The following CEP85L variants were observed in gnomAD, a reference collection of about 807,000 sequenced individuals.
CEP85L encodes centrosomal protein of 85 kDa-like.
Under a neutral mutation model 100.3 loss-of-function variants are expected in CEP85L, and 60 were observed. The observed-to-expected ratio is 0.60, with a 90% CI of 0.49 to 0.74. The LOEUF is 0.74. CEP85L is among the 30% of genes least tolerant of loss of function. The pLI is 0.00. For synonymous variants in CEP85L, 319 were observed against 322.7 expected, an observed-to-expected ratio of 0.99 and a Z score of 0.12; for missense variants, 973 against 936.2, an observed-to-expected ratio of 1.04 and a Z score of -0.51.
intron 3 of CEP85L, among the ~76,000 whole-genome samples, chr6:118,543,229 A>G (rs1028907250): frequency 5.9e-5 from 9 of 152,206 alleles, no homozygotes; most frequent in African/African-American, 1.9e-4. Context: ...TTAAAGAATT[A>G]AGTGCAAGAA....
chr6:118,593,222 A>C (rs1781284859), intron 2 of CEP85L, among the ~76,000 whole-genome samples: 1 of 152,168 alleles, frequency 6.6e-6, no homozygotes, highest in African/African-American at 2.4e-5. Flanking sequence ...TTTTTGGTGT[A>C]ATAAAAATGT....
At chr6:118,648,545 C>T (rs1186015417) in intron 1 of CEP85L, among the ~76,000 whole-genome samples, 1 of 151,816 alleles carries the variant, frequency 6.6e-6, no homozygotes, top group African/African-American at 2.4e-5. Flanking sequence ...ATCGAGACCA[C>T]CCTGGGTAAC....
In CEP85L at chr6:118,483,796, T is replaced by C; in HGVS notation, c.1500A>G (p.Gln500=). Residue 500 remains glutamine (Q), a synonymous_variant, in exon 7 of 13, where the codon CAA becomes CAG. Transcript: ENST00000368491. ...CAATTCTTCTCTGCTTTTCTTTGTT[T>C]TGTTCAGATTCCTTCTGGCATTTCT... ...LKKKCQKESE[Q]NKEKQRRIET... is the part of the protein sequence containing the mutation. 6.2e-7 allele frequency: 1 copy of C among 1,613,958 alleles called. No individual in the cohort carries two copies. The highest frequency in any genetic ancestry group is 2.2e-5 in the East Asian group (1 of 44,856).
chr6:118,480,439 T>G lies in CEP85L; in HGVS notation c.1820A>C (p.Asn607Thr). 1.2e-6 allele frequency: 2 copies of G among 1,612,014 alleles called. No individual in the cohort carries two copies. Among genetic ancestry groups the G allele is most frequent in the Admixed American group, 1.7e-5 (1 of 59,938 alleles). Residue 607 changes from asparagine to threonine, a missense_variant, in exon 9 of 13, where the codon AAT becomes ACT. Physicochemically the swap from Asn to Thr is moderately conservative, Grantham distance 65. Transcript: ENST00000368491. ...LPMLDAKQLQNENDNLRQQNE... is the reference protein window; with the variant it reads ...LPMLDAKQLQTENDNLRQQNE... ...TTGTTGTCTGAGATTATCATTTTCA[T>G]TCTGAAGCTGTTTTGCATCTAACAT...
chr6:118,681,748 C>CTTT (rs199966143), intron 1 of CEP85L, among the ~76,000 whole-genome samples: 1 of 124,756 alleles, frequency 8.0e-6, no homozygotes, highest in East Asian at 2.2e-4. Context: ...ATAATTATTT[C>CTTT]TTTTTTTTTT....
At chr6:118,466,609 T>C (rs775854249) in intron 12 of CEP85L, among the ~76,000 whole-genome samples, 5 of 152,116 alleles carry the variant, frequency 3.3e-5, no homozygotes, top group Middle Eastern at 3.2e-3. Flanking sequence ...AACAGTATGA[T>C]AGAATTTGAG....
chr6:118,665,008 C>G (rs903259650), intron 1 of CEP85L, among the ~76,000 whole-genome samples: 1 of 152,210 alleles, frequency 6.6e-6, no homozygotes, highest in African/African-American at 2.4e-5. Context: ...ACACATCACA[C>G]AAGCCTGCCT....
chr6:118,557,608 G>A (rs998605759), intron 3 of CEP85L, among the ~76,000 whole-genome samples: 1 of 152,166 alleles, frequency 6.6e-6, no homozygotes, highest in African/African-American at 2.4e-5. Context: ...ATCCTGTGAT[G>A]GAGTGGCCTC....
At chr6:118,669,955 C>T (rs1776245766) in intron 1 of CEP85L, among the ~76,000 whole-genome samples, 2 of 149,562 alleles carry the variant, frequency 1.3e-5, no homozygotes, top group Non-Finnish European at 3.0e-5. Context: ...ACTAGATGAC[C>T]TCCAACTTTG....
At chr6:118,536,145 C>T (rs1777576693) in intron 3 of CEP85L, among the ~76,000 whole-genome samples, 1 of 152,116 alleles carries the variant, frequency 6.6e-6, no homozygotes, top group African/African-American at 2.4e-5. Context: ...TAGAAGTATA[C>T]ACTAGAATAC....
chr6:118,482,357 C>T (rs181645243), intron 7 of CEP85L, among the ~76,000 whole-genome samples: 2 of 152,200 alleles, frequency 1.3e-5, no homozygotes, highest in African/African-American at 4.8e-5. Context: ...AACAACTCCC[C>T]ATCTATCTCT....
intron 2 of CEP85L, among the ~76,000 whole-genome samples, chr6:118,567,024 T>C (rs1779548268): frequency 6.6e-6 from 1 of 151,988 alleles, no homozygotes; most frequent in South Asian, 2.1e-4. Context: ...TTTCAGTGTC[T>C]TTCCTGAACT....
At chr6:118,599,557 T>A (rs1431592526) in intron 2 of CEP85L, among the ~76,000 whole-genome samples, 4 of 152,208 alleles carry the variant, frequency 2.6e-5, no homozygotes, top group Non-Finnish European at 5.9e-5. Context: ...CTCTAACTCC[T>A]ATTTTCAGTG....
At chr6:118,517,102 C>T (rs965766048) in intron 4 of CEP85L, among the ~76,000 whole-genome samples, 1 of 151,850 alleles carries the variant, frequency 6.6e-6, no homozygotes, top group African/African-American at 2.4e-5. Flanking sequence ...TTCCATTCGT[C>T]TATCTGTCTT....
chr6:118,618,109 A>G (rs1583175788), intron 2 of CEP85L, among the ~76,000 whole-genome samples: 3 of 152,038 alleles, frequency 2.0e-5, no homozygotes, highest in Non-Finnish European at 4.4e-5. Flanking sequence ...GTGCTCAGCA[A>G]ATGTCATGGT....
intron 1 of CEP85L, among the ~76,000 whole-genome samples, chr6:118,657,803 C>T (rs992801058): frequency 2.7e-4 from 41 of 152,194 alleles, no homozygotes; most frequent in Non-Finnish European, 4.6e-4. Context: ...GTGAAACTTA[C>T]TGAGTTAACT....
At chr6:118,595,221 G>A (rs993448653) in intron 2 of CEP85L, among the ~76,000 whole-genome samples, 2 of 152,152 alleles carry the variant, frequency 1.3e-5, no homozygotes, top group South Asian at 2.1e-4. Flanking sequence ...AAACACTGGG[G>A]ATCAGCTATG....
chr6:118,536,327 A>T (rs558838640), intron 3 of CEP85L, among the ~76,000 whole-genome samples: 3 of 152,310 alleles, frequency 2.0e-5, no homozygotes, highest in Admixed American at 2.0e-4. Context: ...GAGAAGAGTC[A>T]CAAGCTAAAC....
At chr6:118,700,537 A>T (rs1293206133) in intron 1 of CEP85L, among the ~76,000 whole-genome samples, 1 of 152,174 alleles carries the variant, frequency 6.6e-6, no homozygotes, top group Non-Finnish European at 1.5e-5. Flanking sequence ...TTCCACACAT[A>T]TTCTCCATAT....
Sources: allele counts gnomAD v4.1 joint callset (sites outside exome capture counted in the v4.1 genomes callset), GRCh38; gene constraint gnomAD v4.1.1; transcripts MANE v1.5; gene names NCBI Gene and HGNC (gene_info 2026-07-23, HGNC 2026-07-21).